The following RALYL variants were observed in gnomAD, a reference collection of about 807,000 sequenced individuals.
RALYL encodes RNA-binding Raly-like protein.
RALYL carries 29 observed loss-of-function variants against 35.1 expected under a neutral mutation model. That is an observed-to-expected ratio of 0.83 (90% confidence interval 0.61 to 1.13). The LOEUF (loss-of-function observed/expected upper bound fraction) is 1.13. RALYL is among the 50% of genes most tolerant of loss of function. RALYL has a pLI of 0.00. For missense variants in RALYL, 359 were observed against 360.4 expected, an observed-to-expected ratio of 1.00 and a Z score of 0.03; for synonymous variants, 120 against 127.6, an observed-to-expected ratio of 0.94 and a Z score of 0.40.
rs530003016 is a variant in RALYL at position 84,328,765 on chromosome 8, C to A, written c.-24+144341C>A. Reference sequence around the variant, plus strand: ...CAACCTTTGTCCACCTCTCTCCCTCCCCACTCTGGGAGTCCCCAGTGTCTA... The same window carrying A: ...CAACCTTTGTCCACCTCTCTCCCTCACCACTCTGGGAGTCCCCAGTGTCTA... On this transcript the variant is annotated intron_variant, in intron 1 of 8. Coordinates refer to ENST00000521268, the MANE Select transcript of RALYL (RefSeq NM_173848.7). Among the ~76,000 whole-genome samples the A allele has an allele frequency of 3.3e-5, 5 of 152,238 alleles. No homozygotes were observed. In the South Asian group the frequency reaches 1.0e-3, roughly 32 times the overall value.
At chr8:84,816,047 A>G (rs569746662) in intron 4 of RALYL, among the ~76,000 whole-genome samples, 33 of 151,322 alleles carry the variant, frequency 2.2e-4, no homozygotes, top group East Asian at 3.9e-4. Context: ...AAAAAAAAAA[A>G]AAAAAGAAAA....
chr8:84,825,521 G>C (rs186064579), intron 4 of RALYL, among the ~76,000 whole-genome samples: 100 of 152,120 alleles, frequency 6.6e-4, no homozygotes, highest in Middle Eastern at 3.4e-3. Context: ...TAAACAAAAT[G>C]TTCTACCAAA....
intron 2 of RALYL, among the ~76,000 whole-genome samples, chr8:84,716,996 G>C (rs1237720508): frequency 6.6e-6 from 1 of 152,068 alleles, no homozygotes; most frequent in African/African-American, 2.4e-5. Context: ...AGACCAGCTT[G>C]ACCAACATGG....
intron 2 of RALYL, among the ~76,000 whole-genome samples, chr8:84,598,493 T>G (rs1815133199): frequency 6.6e-6 from 1 of 152,168 alleles, no homozygotes; most frequent in African/African-American, 2.4e-5. Flanking sequence ...CGATTTGTGC[T>G]TGTGTCTAAA....
chr8:84,517,393 G>A (rs2058146293), intron 1 of RALYL, among the ~76,000 whole-genome samples: 1 of 152,146 alleles, frequency 6.6e-6, no homozygotes, highest in Non-Finnish European at 1.5e-5. Flanking sequence ...CTGCTCCTGA[G>A]TACAAGGTAA....
In RALYL at chr8:84,303,104, T is replaced by G. The variant is rs73296720; in HGVS notation, c.-24+118680T>G. ...CTTATAATAAATTATTCTTCATATGTGTCTATCTCTCACTAGACTATTTAT... is the reference window on the plus strand; with the variant it reads ...CTTATAATAAATTATTCTTCATATGGGTCTATCTCTCACTAGACTATTTAT... On this transcript the variant is annotated intron_variant, in intron 1 of 8. Coordinates refer to ENST00000521268, the MANE Select transcript of RALYL (RefSeq NM_173848.7). Among the ~76,000 whole-genome samples, 1,256 of 152,324 alleles carry G rather than the reference T, an allele frequency of 8.2e-3. 20 individuals are homozygous for G. The highest frequency in any genetic ancestry group is 0.028 in the African/African-American group (1,149 of 41,574).
intron 2 of RALYL, among the ~76,000 whole-genome samples, chr8:84,661,018 TCCCGGGTTCACGCCA>T (rs1830798180): frequency 1.3e-5 from 2 of 152,100 alleles, no homozygotes; most frequent in Non-Finnish European, 2.9e-5. Context: ...AAGCTCTGCC[TCCCGGGTTCACGCCA>T]TTCTCCTGCC....
At chr8:84,315,311 T>C (rs370980492) in intron 1 of RALYL, among the ~76,000 whole-genome samples, 2 of 152,202 alleles carry the variant, frequency 1.3e-5, no homozygotes, top group African/African-American at 4.8e-5. Context: ...ATGAAGTCTC[T>C]ATGTACTGAT....
At chr8:84,741,940 A>G (rs1050342166) in intron 2 of RALYL, among the ~76,000 whole-genome samples, 1 of 146,384 alleles carries the variant, frequency 6.8e-6, no homozygotes, top group Admixed American at 6.8e-5. Flanking sequence ...TTCCAGGGCC[A>G]TTTTTTTTTT....
intron 1 of RALYL, among the ~76,000 whole-genome samples, chr8:84,514,468 A>G (rs1250366757): frequency 6.6e-6 from 1 of 152,160 alleles, no homozygotes; most frequent in African/African-American, 2.4e-5. Context: ...GGGAACCAGC[A>G]AGTTCTGTGT....
In RALYL at chr8:84,522,843, A is replaced by G. The variant is rs1200364092; in HGVS notation, c.-23-6456A>G. Among the ~76,000 whole-genome samples, 4 of 152,106 alleles carry G rather than the reference A, an allele frequency of 2.6e-5. No homozygotes were observed. In the East Asian group the frequency reaches 7.7e-4, roughly 29 times the overall value. On this transcript the variant is annotated intron_variant, in intron 1 of 8. Transcript: ENST00000521268. ...GTGTATATATTAATATTGCTGGTGG[A>G]CTCTCATGAATACTTGATGTATTAT...
intron 1 of RALYL, among the ~76,000 whole-genome samples, chr8:84,305,854 G>A (rs1025406151): frequency 2.0e-5 from 3 of 152,120 alleles, no homozygotes; most frequent in East Asian, 1.9e-4. Context: ...AATGAAGGAA[G>A]GCACTGTGAT....
chr8:84,562,558 T>C (rs975387891), intron 2 of RALYL, among the ~76,000 whole-genome samples: 1 of 151,934 alleles, frequency 6.6e-6, no homozygotes, highest in Non-Finnish European at 1.5e-5. Context: ...ATATAAAATG[T>C]ATGGGAAAAG....
intron 1 of RALYL, among the ~76,000 whole-genome samples, chr8:84,417,331 G>A (rs1201031371): frequency 6.6e-6 from 1 of 152,054 alleles, no homozygotes; most frequent in Non-Finnish European, 1.5e-5. Flanking sequence ...CTTGGGCAAG[G>A]TAGGATCCTC....
intron 1 of RALYL, among the ~76,000 whole-genome samples, chr8:84,414,113 A>AT (rs1389604131): frequency 6.6e-6 from 1 of 151,936 alleles, no homozygotes; most frequent in African/African-American, 2.4e-5. Flanking sequence ...AATTCCTTCC[A>AT]TTTTGTCCCT....
At chr8:84,617,700 G>T (rs1005977350) in intron 2 of RALYL, among the ~76,000 whole-genome samples, 2 of 150,620 alleles carry the variant, frequency 1.3e-5, no homozygotes, top group Non-Finnish European at 2.9e-5. Context: ...TCCAGTTTTT[G>T]CCCATTCAGT....
chr8:84,218,201 A>G (rs768748302), intron 1 of RALYL, among the ~76,000 whole-genome samples: 2 of 152,084 alleles, frequency 1.3e-5, no homozygotes, highest in Non-Finnish European at 2.9e-5. Context: ...AAGTTAATAT[A>G]GGTGAAATTA....
At chr8:84,358,821 T>C (rs1219209381) in intron 1 of RALYL, among the ~76,000 whole-genome samples, 1 of 152,074 alleles carries the variant, frequency 6.6e-6, no homozygotes, top group Non-Finnish European at 1.5e-5. Context: ...TGAAAGACTC[T>C]TGCAGAGATT....
chr8:84,809,903 T>C (rs952702116), intron 4 of RALYL, among the ~76,000 whole-genome samples: 1 of 152,162 alleles, frequency 6.6e-6, no homozygotes, highest in African/African-American at 2.4e-5. Context: ...TAATGGTCTA[T>C]CAGTTGTATT....
Sources: gnomAD v4.1 joint callset for allele counts (sites outside exome capture counted in the v4.1 genomes callset) on GRCh38, gnomAD v4.1.1 for gene constraint, MANE v1.5 for transcripts, NCBI Gene and HGNC (gene_info 2026-07-23, HGNC 2026-07-21) for gene names.